Variants in KIRREL3 observed in about 807,000 individuals in gnomAD.
KIRREL3 encodes kirre like nephrin family adhesion molecule 3, also known as kin of IRRE-like protein 3.
KIRREL3 carries 36 observed loss-of-function variants against 89.7 expected under a neutral mutation model. That is an observed-to-expected ratio of 0.40 (90% CI 0.31 to 0.53). KIRREL3 has a LOEUF of 0.53. Ranked by LOEUF, KIRREL3 falls within the 20% of genes least tolerant of loss-of-function variation. The pLI is 0.49. For missense variants in KIRREL3, 864 were observed against 1,056.6 expected, an observed-to-expected ratio of 0.82 and a Z score of 2.53; for synonymous variants, 445 against 441.4, an observed-to-expected ratio of 1.01 and a Z score of -0.10.
In KIRREL3 at chr11:126,773,923, C is replaced by T. The variant is rs1950094287; in HGVS notation, c.56-211011G>A. 6.6e-6 allele frequency among the ~76,000 whole-genome samples: 1 copy of T among 152,246 alleles called. No homozygotes were observed. Among genetic ancestry groups the T allele is most frequent in the Admixed American group, 6.5e-5 (1 of 15,300 alleles). On this transcript the variant is annotated intron_variant, in intron 1 of 16. Transcript: ENST00000525144. The surrounding 1 kb of genome is among the most constrained non-coding windows in gnomAD (Gnocchi z 4.2). ...GAGGTGAGGAGGTTGTGCACTTGTC[C>T]ACTCTTAACTCTTTTTTACTATTGA...
intron 1 of KIRREL3, among the ~76,000 whole-genome samples, chr11:126,937,708 G>A (rs1410202265): frequency 1.3e-5 from 2 of 152,084 alleles, no homozygotes; most frequent in African/African-American, 2.4e-5. Context: ...GACCATCCTG[G>A]CTAACACAGT....
chr11:126,874,044 A>T (rs1018627564), intron 1 of KIRREL3, among the ~76,000 whole-genome samples: 12 of 152,208 alleles, frequency 7.9e-5, no homozygotes, highest in African/African-American at 2.7e-4. Flanking sequence ...CTTCCTGTGC[A>T]GATCTGATGT....
chr11:126,902,722 G>A (rs1379652609), intron 1 of KIRREL3, among the ~76,000 whole-genome samples: 2 of 152,326 alleles, frequency 1.3e-5, no homozygotes, highest in South Asian at 2.1e-4. Flanking sequence ...AGGATGCTGG[G>A]CAAACACTGG....
chr11:126,930,841 C>A (rs1196251054), intron 1 of KIRREL3, among the ~76,000 whole-genome samples: 1 of 152,202 alleles, frequency 6.6e-6, no homozygotes, highest in Non-Finnish European at 1.5e-5. Flanking sequence ...ACACAGCTGA[C>A]CAGGCTCTTC....
In KIRREL3 at chr11:126,443,170, A is replaced by AG. The variant is rs1466023030; in HGVS notation, c.1252+1808dup. Among the ~76,000 whole-genome samples, 3 of 152,188 alleles carry AG rather than the reference A, an allele frequency of 2.0e-5. No individual in the cohort carries two copies. The highest frequency in any genetic ancestry group is 4.4e-5 in the Non-Finnish European group (3 of 68,028). On this transcript the variant is annotated intron_variant, in intron 10 of 16. Transcript: ENST00000525144. This position sits in a 1 kb window ranked among gnomAD's most constrained non-coding sequence, Gnocchi z 7.3. ...AACGCCAATGCTCATTTGATGCTCCAGGCTTGGGGGCCCTGGAGTGCATGA... is the reference window on the plus strand; with the variant it reads ...AACGCCAATGCTCATTTGATGCTCCAGGGCTTGGGGGCCCTGGAGTGCATGA...
rs1044850933 is a variant in KIRREL3, at chr11:126,686,147, G to A, written c.56-123235C>T. ...TCCCTGTGGTCCGAGTTACTGGCAG[G>A]GTCTCTGCGTTCTGCCTTTGTGTTG... On this transcript the variant is annotated intron_variant, in intron 1 of 16. Transcript: ENST00000525144. The surrounding 1 kb of genome is among the most constrained non-coding windows in gnomAD (Gnocchi z 4.7). 3.9e-5 allele frequency among the ~76,000 whole-genome samples: 6 copies of A among 152,236 alleles called. No homozygotes were observed. Among genetic ancestry groups the A allele is most frequent in the African/African-American group, 1.4e-4 (6 of 41,522 alleles).
At chr11:126,854,055 T>C (rs938274311) in intron 1 of KIRREL3, among the ~76,000 whole-genome samples, 1 of 151,148 alleles carries the variant, frequency 6.6e-6, no homozygotes, top group African/African-American at 2.4e-5. Flanking sequence ...TTGTGGATCT[T>C]TTTTTTTTCT....
chr11:126,731,332 T>C (rs1328400107), intron 1 of KIRREL3, among the ~76,000 whole-genome samples: 1 of 152,198 alleles, frequency 6.6e-6, no homozygotes, highest in African/African-American at 2.4e-5. Flanking sequence ...AGGTCTCAAA[T>C]GACCCTATCC....
At chr11:126,836,849 G>A (rs1019575122) in intron 1 of KIRREL3, among the ~76,000 whole-genome samples, 2 of 152,150 alleles carry the variant, frequency 1.3e-5, no homozygotes, top group Non-Finnish European at 2.9e-5. Flanking sequence ...ACAGATGTTC[G>A]CATGACATCC....
At chr11:126,878,586 T>C (rs971620545) in intron 1 of KIRREL3, among the ~76,000 whole-genome samples, 2 of 151,688 alleles carry the variant, frequency 1.3e-5, no homozygotes, top group African/African-American at 4.8e-5. Flanking sequence ...AAAGTCAATG[T>C]GATTCTCAAA....
rs989368357 is a variant in KIRREL3 at position 126,990,826 on chromosome 11, G to T, written c.55+9629C>A. Among the ~76,000 whole-genome samples, 1 of 152,200 alleles carries T rather than the reference G, an allele frequency of 6.6e-6. No homozygotes were observed. The highest frequency in any genetic ancestry group is 2.4e-5 in the African/African-American group (1 of 41,456). ...GATTTAGGGAACGCAACCACTGAGG[G>T]ATTAAGTGGTGGTTTTGCTTTCTTT... is the stretch of plus-strand genomic sequence containing the variant. On this transcript the variant is annotated intron_variant, in intron 1 of 16. Transcript: ENST00000525144. This position sits in a 1 kb window ranked among gnomAD's most constrained non-coding sequence, Gnocchi z 6.3.
chr11:126,625,755 GA>G (rs1231210999), intron 1 of KIRREL3, among the ~76,000 whole-genome samples: 1 of 152,048 alleles, frequency 6.6e-6, no homozygotes, highest in East Asian at 1.9e-4. Flanking sequence ...CTGCTGCCCA[GA>G]AAACCTCAGC....
chr11:126,575,515 A>T lies in KIRREL3; in HGVS notation c.56-12603T>A, dbSNP rs1941210226. On this transcript the variant is annotated intron_variant, in intron 1 of 16. Transcript: ENST00000525144. This position sits in a 1 kb window ranked among gnomAD's most constrained non-coding sequence, Gnocchi z 7.0. ...TAAATGTATGGAACCAAGGCCGGACACATTGTAAGCCCCTATAAATGGTAC... is the reference window on the plus strand; with the variant it reads ...TAAATGTATGGAACCAAGGCCGGACTCATTGTAAGCCCCTATAAATGGTAC... 6.6e-6 allele frequency among the ~76,000 whole-genome samples: 1 copy of T among 152,230 alleles called. No individual in the cohort carries two copies. The highest frequency in any genetic ancestry group is 1.5e-5 in the Non-Finnish European group (1 of 68,040).
rs1018128284 is a variant in KIRREL3 at position 126,485,205 on chromosome 11, G to C, written c.434-11739C>G. ...TGTCTCCAAGGAGGTTGGGGACAGA[G>C]AGAAAAGAGGAACAAGGAGCAAGAC... On this transcript the variant is annotated intron_variant, in intron 4 of 16. Transcript: ENST00000525144. The surrounding 1 kb of genome is among the most constrained non-coding windows in gnomAD (Gnocchi z 5.8). 1.3e-5 allele frequency among the ~76,000 whole-genome samples: 2 copies of C among 152,208 alleles called. No individual in the cohort carries two copies. The highest frequency in any genetic ancestry group is 2.4e-5 in the African/African-American group (1 of 41,450).
rs184514012 is a variant in KIRREL3, at chr11:126,677,236, C to G, written c.56-114324G>C. Among the ~76,000 whole-genome samples, 17 of 152,226 alleles carry G rather than the reference C, an allele frequency of 1.1e-4. No homozygotes were observed. The highest frequency in any genetic ancestry group is 3.9e-4 in the African/African-American group (16 of 41,532). On this transcript the variant is annotated intron_variant, in intron 1 of 16. Transcript: ENST00000525144. The surrounding 1 kb of genome is among the most constrained non-coding windows in gnomAD (Gnocchi z 5.1). ...AGCTATCCCCTTAGCCTCAGCCTCTCCCTCCCCATCACCTGGGTTTTAGGC... is the reference window on the plus strand; with the variant it reads ...AGCTATCCCCTTAGCCTCAGCCTCTGCCTCCCCATCACCTGGGTTTTAGGC...
intron 1 of KIRREL3, among the ~76,000 whole-genome samples, chr11:126,847,574 G>A (rs1442134178): frequency 6.6e-6 from 1 of 152,110 alleles, no homozygotes; most frequent in South Asian, 2.1e-4. Flanking sequence ...CAGGACTCAT[G>A]GAGAGCTGAA....
chr11:126,994,955 G>C lies in KIRREL3; in HGVS notation c.55+5500C>G. Reference sequence around the variant, plus strand: ...CTGCACTTCTAACTGGGTAAATTCTGACTTTCTCTTGGGAAAAGAAAATGA... The same window carrying C: ...CTGCACTTCTAACTGGGTAAATTCTCACTTTCTCTTGGGAAAAGAAAATGA... On this transcript the variant is annotated intron_variant, in intron 1 of 16. Transcript: ENST00000525144. The surrounding 1 kb of genome is among the most constrained non-coding windows in gnomAD (Gnocchi z 5.2). 1 of 344,346 alleles carries C rather than the reference G, an allele frequency of 2.9e-6. No individual in the cohort carries two copies. Among genetic ancestry groups the C allele is most frequent in the South Asian group, 2.2e-5 (1 of 45,138 alleles). The allele number at this position is 344,346 out of a possible 1,614,324, so 21.3% of individuals were successfully genotyped here.
At position 126,791,910 on chromosome 11, in the gene KIRREL3, T is replaced by C. The variant is rs1431890704; in HGVS notation, c.55+208545A>G. Among the ~76,000 whole-genome samples the C allele has an allele frequency of 3.4e-5, 5 of 145,536 alleles. No homozygotes were observed. The highest frequency in any genetic ancestry group is 1.3e-4 in the Admixed American group (2 of 15,010). On this transcript the variant is annotated intron_variant, in intron 1 of 16. Coordinates refer to ENST00000525144, the MANE Select transcript of KIRREL3 (RefSeq NM_032531.4). This position sits in a 1 kb window ranked among gnomAD's most constrained non-coding sequence, Gnocchi z 4.8. ...CTTGCTGTCTGCTGTGAAAACAGTTTAGAGGGAAGGCGGGGCTGCTTTCAA... is the reference window on the plus strand; with the variant it reads ...CTTGCTGTCTGCTGTGAAAACAGTTCAGAGGGAAGGCGGGGCTGCTTTCAA...
At chr11:126,725,336 G>A (rs1365130486) in intron 1 of KIRREL3, among the ~76,000 whole-genome samples, 2 of 54,664 alleles carry the variant, frequency 3.7e-5, no homozygotes, top group Admixed American at 2.0e-4. Flanking sequence ...TATCAGGAGC[G>A]ATCAAAGCAA....
Sources: allele counts gnomAD v4.1 joint callset (sites outside exome capture counted in the v4.1 genomes callset), GRCh38; gene constraint gnomAD v4.1.1; non-coding constraint Gnocchi (gnomAD v3.1); transcripts MANE v1.5; gene names NCBI Gene and HGNC (gene_info 2026-07-23, HGNC 2026-07-21).